IQSEC1: variants seen among roughly 807,000 people sequenced by gnomAD.
IQSEC1 encodes IQ motif and Sec7 domain ArfGEF 1.
A neutral mutation model predicts 91.0 loss-of-function variants in IQSEC1; 31 were observed. The ratio of observed to expected loss-of-function variants is 0.34; its 90% confidence interval spans 0.26 to 0.46. The LOEUF (loss-of-function observed/expected upper bound fraction) is 0.46. Ranked by LOEUF, IQSEC1 falls within the 20% of genes least tolerant of loss-of-function variation. The pLI, the probability that IQSEC1 is intolerant of heterozygous loss-of-function variation, is 1.00. For synonymous variants in IQSEC1, 699 were observed against 662.6 expected (o/e 1.05, Z -0.84); for missense variants, 1,388 against 1,575.6 (o/e 0.88, Z 2.02).
At chr3:12,921,605 C>A (rs539860610) in intron 5 of IQSEC1, among the ~76,000 whole-genome samples, 13 of 152,356 alleles carry the variant, frequency 8.5e-5, no homozygotes, top group African/African-American at 2.4e-4. Flanking sequence ...TTCAATTTCA[C>A]AGGTGAAGAA....
intron 13 of IQSEC1, 93 bp from the exon 14 acceptor site, chr3:12,901,615 C>T: frequency 9.3e-7 from 1 of 1,079,860 alleles, no homozygotes; most frequent in South Asian, 1.5e-5. Flanking sequence ...AATTCACCCA[C>T]TGACTGCTAA....
chr3:13,272,674 G>T (rs1472311863), intron 1 of IQSEC1, among the ~76,000 whole-genome samples: 1 of 152,218 alleles, frequency 6.6e-6, no homozygotes, highest in African/African-American at 2.4e-5. Flanking sequence ...AGCTGGGTAA[G>T]AGTAAAGCCT....
chr3:12,905,984 C>T (rs968987143), intron 12 of IQSEC1, among the ~76,000 whole-genome samples: 17 of 152,198 alleles, frequency 1.1e-4, no homozygotes, highest in Admixed American at 5.2e-4. Context: ...AGGGCTGAGA[C>T]GCCAGGCAAT....
intron 2 of IQSEC1, among the ~76,000 whole-genome samples, chr3:13,154,539 G>A (rs1466266013): frequency 2.1e-5 from 3 of 139,748 alleles, no homozygotes; most frequent in Non-Finnish European, 4.6e-5. Context: ...TCATTAATAG[G>A]TGGTGCTTCA....
At chr3:12,927,668 A>T (rs1351696287) in intron 3 of IQSEC1, among the ~76,000 whole-genome samples, 3 of 152,202 alleles carry the variant, frequency 2.0e-5, no homozygotes, top group African/African-American at 7.2e-5. Context: ...TGCTGTGGGA[A>T]GCGGGCACGT....
intron 2 of IQSEC1, among the ~76,000 whole-genome samples, chr3:13,092,679 C>T (rs897921995): frequency 6.6e-5 from 10 of 152,176 alleles, no homozygotes; most frequent in African/African-American, 2.4e-4. Context: ...TGTTCCCTCA[C>T]CAGAACAATC....
chr3:12,954,005 C>T (rs1699735697), intron 1 of IQSEC1, among the ~76,000 whole-genome samples: 1 of 152,240 alleles, frequency 6.6e-6, no homozygotes, highest in South Asian at 2.1e-4. Context: ...GGCTGGTTCT[C>T]ATCAGCGCGT....
chr3:13,132,803 G>T (rs983090654), intron 2 of IQSEC1, among the ~76,000 whole-genome samples: 2 of 152,138 alleles, frequency 1.3e-5, no homozygotes, highest in Non-Finnish European at 2.9e-5. Context: ...AACGGATTTT[G>T]TTTCACCAGG....
intron 2 of IQSEC1, among the ~76,000 whole-genome samples, chr3:13,107,474 A>ATTAC (rs1706169651): frequency 6.6e-6 from 1 of 152,114 alleles, no homozygotes; most frequent in African/African-American, 2.4e-5. Context: ...TCATCTCCAT[A>ATTAC]TTACACATGG....
chr3:13,192,813 G>A (rs935659612), intron 1 of IQSEC1, among the ~76,000 whole-genome samples: 4 of 152,208 alleles, frequency 2.6e-5, no homozygotes, highest in East Asian at 1.9e-4. Context: ...CCTCTCCCAC[G>A]TAGGGCTTGC....
intron 1 of IQSEC1, among the ~76,000 whole-genome samples, chr3:13,055,274 G>C (rs769098998): frequency 4.6e-5 from 7 of 152,228 alleles, no homozygotes; most frequent in Non-Finnish European, 8.8e-5. Context: ...AGAGAGCCCA[G>C]GGTAGCGAGG....
At chr3:13,109,931 T>G (rs1419459585) in intron 2 of IQSEC1, among the ~76,000 whole-genome samples, 1 of 150,162 alleles carries the variant, frequency 6.7e-6, no homozygotes, top group Non-Finnish European at 1.5e-5. Flanking sequence ...CGCTCAGGCT[T>G]GAGTGCAGTG....
chr3:13,177,417 C>T (rs6777431), intron 1 of IQSEC1, among the ~76,000 whole-genome samples: 4,973 of 152,290 alleles, frequency 0.033, 261 homozygotes, highest in African/African-American at 0.11. Flanking sequence ...AGAAAAGGGA[C>T]AGGCCAGGCG....
At chr3:13,117,569 CAAAAAA>C (rs34002295) in intron 2 of IQSEC1, among the ~76,000 whole-genome samples, 65 of 9,434 alleles carry the variant, frequency 6.9e-3, no homozygotes, top group African/African-American at 0.025. Context: ...GACTCCGTCT[CAAAAAA>C]AAAAAAAAAA....
At chr3:13,151,739 G>C (rs1052539041) in intron 2 of IQSEC1, among the ~76,000 whole-genome samples, 3 of 152,230 alleles carry the variant, frequency 2.0e-5, no homozygotes, top group African/African-American at 7.2e-5. Flanking sequence ...GCCGAGGCGG[G>C]AGGATCACCT....
At chr3:13,160,415 C>G (rs1397580461) in intron 2 of IQSEC1, among the ~76,000 whole-genome samples, 1 of 152,174 alleles carries the variant, frequency 6.6e-6, no homozygotes, top group African/African-American at 2.4e-5. Context: ...CCTGCCTTGG[C>G]CTCCCAAAGT....
At chr3:13,162,105 G>A (rs988638379) in intron 2 of IQSEC1, among the ~76,000 whole-genome samples, 2 of 152,204 alleles carry the variant, frequency 1.3e-5, no homozygotes, top group Admixed American at 1.3e-4. Flanking sequence ...CCACCACGAG[G>A]GTGTATTCAC....
intron 1 of IQSEC1, among the ~76,000 whole-genome samples, chr3:12,978,793 G>C (rs1160398946): frequency 2.0e-5 from 3 of 152,208 alleles, no homozygotes; most frequent in African/African-American, 7.2e-5. Context: ...CAACCTGGTA[G>C]ACAGGCAGGA....
At chr3:13,057,213 GC>G (rs1431568929) in intron 1 of IQSEC1, among the ~76,000 whole-genome samples, 1 of 152,198 alleles carries the variant, frequency 6.6e-6, no homozygotes, top group Non-Finnish European at 1.5e-5. Context: ...CTCAGGCACA[GC>G]TCCCCGTGTG....
Sources: gnomAD v4.1 joint callset for allele counts (sites outside exome capture counted in the v4.1 genomes callset) on GRCh38, gnomAD v4.1.1 for gene constraint, MANE v1.5 for transcripts, NCBI Gene and HGNC (gene_info 2026-07-23, HGNC 2026-07-21) for gene names.